The following ST3GAL6 variants were observed in gnomAD, a reference collection of about 807,000 sequenced individuals.
The protein encoded by ST3GAL6 is ST3 beta-galactoside alpha-2,3-sialyltransferase 6.
ST3GAL6 carries 31 observed loss-of-function variants against 40.5 expected under a neutral mutation model. The ratio of observed to expected loss-of-function variants is 0.77; its 90% CI spans 0.58 to 1.03. ST3GAL6 has a LOEUF of 1.03. Among genes scored for constraint, ST3GAL6 ranks in the 50% least tolerant of loss-of-function variants. The probability of loss-of-function intolerance (pLI) is 0.00; values close to 1 mark genes in which losing one functional copy is unlikely to be tolerated. For synonymous variants in ST3GAL6, 129 were observed against 136.9 expected (o/e 0.94, Z 0.40); for missense variants, 357 against 393.2 (o/e 0.91, Z 0.78).
intron 1 of ST3GAL6, among the ~76,000 whole-genome samples, chr3:98,757,233 T>A (rs75357689): frequency 0.018 from 2,797 of 152,332 alleles, 97 homozygotes; most frequent in African/African-American, 0.064. Context: ...TGTTTGGAGA[T>A]CTTTTTGGGA....
At chr3:98,749,870 A>T (rs1035992547) in intron 1 of ST3GAL6, among the ~76,000 whole-genome samples, 1 of 152,256 alleles carries the variant, frequency 6.6e-6, no homozygotes, top group Admixed American at 6.5e-5. Flanking sequence ...CTATTGGATC[A>T]GTTGAGGAGC....
At chr3:98,748,106 A>G (rs757321936) in intron 1 of ST3GAL6, among the ~76,000 whole-genome samples, 25 of 152,238 alleles carry the variant, frequency 1.6e-4, no homozygotes, top group Non-Finnish European at 3.7e-4. Flanking sequence ...GACTGAAGCT[A>G]TTGTTAGGCA....
rs141339919 is a variant in ST3GAL6, at chr3:98,788,084, G to T, written c.480G>T (p.Arg160Ser). The change falls in exon 7 of 10, where the codon AGG becomes AGT. Residue 160 changes from arginine (R) to serine (S), a missense_variant. Coordinates refer to ENST00000483910, the MANE Select transcript of ST3GAL6 (RefSeq NM_001323368.2). ...GACATGAAGAAGAAGTTGGGAGAAG[G>T]ACAACCTTCCGACTTTTTTATCCAG... ...VLGHEEEVGR[R>S]TTFRLFYPES... is the part of the protein sequence containing the mutation. The T allele has an allele frequency of 1.6e-5, 26 of 1,613,816 alleles. No homozygotes were observed. Among genetic ancestry groups the T allele is most frequent in the African/African-American group, 2.7e-5 (2 of 74,904 alleles).
intron 6 of ST3GAL6, among the ~76,000 whole-genome samples, chr3:98,786,588 A>T (rs9883537): frequency 3.3e-5 from 5 of 151,980 alleles, no homozygotes; most frequent in Middle Eastern, 3.2e-3. Context: ...CTGAATGTAC[A>T]GATGAAGATG....
chr3:98,766,447 A>T (rs1331108425), intron 1 of ST3GAL6, among the ~76,000 whole-genome samples: 26 of 107,016 alleles, frequency 2.4e-4, no homozygotes, highest in Non-Finnish European at 1.7e-5. Context: ...TGGGAAAGGG[A>T]GTCTCACTCT....
At chr3:98,735,414 T>A (rs2107244729) in intron 1 of ST3GAL6, among the ~76,000 whole-genome samples, 1 of 152,356 alleles carries the variant, frequency 6.6e-6, no homozygotes, top group African/African-American at 2.4e-5. Context: ...GTGGTCTGCG[T>A]ACTTTGCCTT....
At chr3:98,743,849 G>T (rs765527318) in intron 1 of ST3GAL6, among the ~76,000 whole-genome samples, 10 of 152,124 alleles carry the variant, frequency 6.6e-5, no homozygotes, top group Non-Finnish European at 1.3e-4. Context: ...TCTGGCTGAG[G>T]GTGAGCCTTG....
At chr3:98,755,613 C>T (rs946709143) in intron 1 of ST3GAL6, among the ~76,000 whole-genome samples, 1 of 152,088 alleles carries the variant, frequency 6.6e-6, no homozygotes, top group Non-Finnish European at 1.5e-5. Context: ...GGCAAAATAC[C>T]GGAATATTAA....
rs114441383 is a variant in ST3GAL6 at position 98,791,873 on chromosome 3, C to T, written c.789C>T (p.Ala263=). The change falls in exon 9 of 10, where the codon GCC becomes GCT. Residue 263 remains alanine, a synonymous_variant. Coordinates refer to ENST00000483910, the MANE Select transcript of ST3GAL6 (RefSeq NM_001323368.2). ...KPKHPTTGII[A]ITLAFYICHE... is the part of the protein sequence containing the mutation. ...AACACCCAACAACAGGAATTATTGC[C>T]ATCACATTGGCGTTTTACATATGTC... The T allele has an allele frequency of 6.2e-7, 1 of 1,613,574 alleles. No individual in the cohort carries two copies. Among genetic ancestry groups the T allele is most frequent in the Non-Finnish European group, 8.5e-7 (1 of 1,179,746 alleles).
chr3:98,774,529 A>G (rs1283122827), intron 5 of ST3GAL6, among the ~76,000 whole-genome samples: 2 of 152,232 alleles, frequency 1.3e-5, no homozygotes, highest in Non-Finnish European at 2.9e-5. Context: ...CCCCATATAA[A>G]TTGAATTGCC....
chr3:98,791,781 A>G, intron 8 of ST3GAL6, 60 bp from the exon 9 acceptor site: 1 of 1,463,358 alleles, frequency 6.8e-7, no homozygotes, highest in Non-Finnish European at 9.3e-7. Flanking sequence ...CCAACCAAAT[A>G]TGCTTTGGTA....
At chr3:98,774,334 T>C (rs1939312292) in intron 5 of ST3GAL6, among the ~76,000 whole-genome samples, 2 of 152,208 alleles carry the variant, frequency 1.3e-5, no homozygotes, top group South Asian at 4.1e-4. Context: ...TCCCATACTT[T>C]TCCATGCATC....
intron 1 of ST3GAL6, among the ~76,000 whole-genome samples, chr3:98,747,189 T>C (rs973755580): frequency 5.3e-5 from 8 of 152,328 alleles, no homozygotes; most frequent in Non-Finnish European, 8.8e-5. Flanking sequence ...GCGCTCATTT[T>C]TTCAGCCCCG....
chr3:98,745,672 G>A (rs1171049038), intron 1 of ST3GAL6, among the ~76,000 whole-genome samples: 1 of 152,018 alleles, frequency 6.6e-6, no homozygotes, highest in African/African-American at 2.4e-5. Context: ...TCCTAGTTTT[G>A]GTTTCTGGTC....
chr3:98,740,416 C>CTCCT (rs1283839652), intron 1 of ST3GAL6, among the ~76,000 whole-genome samples: 1 of 152,016 alleles, frequency 6.6e-6, no homozygotes, highest in East Asian at 1.9e-4. Context: ...TTTCTGCCAT[C>CTCCT]TTATGTTGCT....
chr3:98,783,729 C>T (rs1940410991), intron 5 of ST3GAL6: 1 of 982,186 alleles, frequency 1.0e-6, no homozygotes, highest in South Asian at 4.7e-5. Flanking sequence ...CCTTACCAAC[C>T]TGTGCCACTG....
intron 1 of ST3GAL6, among the ~76,000 whole-genome samples, chr3:98,742,030 T>C (rs1936135748): frequency 6.6e-6 from 1 of 152,206 alleles, no homozygotes; most frequent in Middle Eastern, 3.2e-3. Flanking sequence ...ACCTTCTTCA[T>C]ATATTTTACA....
chr3:98,738,820 G>A (rs1935804360), intron 1 of ST3GAL6, among the ~76,000 whole-genome samples: 1 of 152,046 alleles, frequency 6.6e-6, no homozygotes, highest in Non-Finnish European at 1.5e-5. Context: ...AACTAACAAA[G>A]ATATTCAGGA....
Position 98,795,440 on chromosome 3 carries a change from T to TTTGA in ST3GAL6, c.*1682_*1685dup, listed in dbSNP as rs1174770830. The stretch of plus-strand genomic sequence containing the variant: ...GCATATGTTTGCAGAGTCCCACAGT[T>TTTGA]TTGATTCCTCTTATAACTTTTTGAG... On this transcript the variant is annotated 3_prime_UTR_variant, in exon 10 of 10. Coordinates refer to ENST00000483910, the MANE Select transcript of ST3GAL6 (RefSeq NM_001323368.2). The TTTGA allele has an allele frequency of 1.3e-5, 2 of 152,326 alleles. No individual in the cohort carries two copies. The highest frequency in any genetic ancestry group is 1.9e-4 in the East Asian group (1 of 5,178). The allele number at this position is 152,326 out of a possible 1,614,324, so 9.4% of individuals were successfully genotyped here.
Sources: allele counts gnomAD v4.1 joint callset (sites outside exome capture counted in the v4.1 genomes callset), GRCh38; gene constraint gnomAD v4.1.1; transcripts MANE v1.5; gene names NCBI Gene and HGNC (gene_info 2026-07-23, HGNC 2026-07-21).